NDC1: variants seen among roughly 807,000 people sequenced by gnomAD.
NDC1 encodes nucleoporin NDC1.
NDC1 carries 24 observed loss-of-function variants against 89.8 expected under a neutral mutation model. The observed-to-expected ratio is 0.27, with a 90% CI of 0.19 to 0.38. The LOEUF (loss-of-function observed/expected upper bound fraction) is 0.38, where lower values mean the gene tolerates loss of function less well. Ranked by LOEUF, NDC1 falls within the 10% of genes least tolerant of loss-of-function variation. NDC1 has a pLI of 1.00. For missense variants in NDC1, 728 were observed against 797.6 expected, an observed-to-expected ratio of 0.91 and a Z score of 1.05; for synonymous variants, 296 against 284.8, an observed-to-expected ratio of 1.04 and a Z score of -0.39.
chr1:53,817,406 T>C (rs1268568043), intron 6 of NDC1, among the ~76,000 whole-genome samples: 1 of 152,240 alleles, frequency 6.6e-6, no homozygotes, highest in Admixed American at 6.5e-5. Flanking sequence ...AAACATTGTA[T>C]GTTCTCACTG....
At position 53,803,985 on chromosome 1, in the gene NDC1, A is replaced by G; in HGVS notation, c.1009T>C (p.Leu337=). Residue 337 remains leucine, a synonymous_variant, in exon 10 of 18, where the codon TTG becomes CTG. Transcript: ENST00000371429. ...CGTGAAGGAGAATATTGAGAAAGCAACATCAGGTCCTGCAAGGCTAAATAC... is the reference window on the plus strand; with the variant it reads ...CGTGAAGGAGAATATTGAGAAAGCAGCATCAGGTCCTGCAAGGCTAAATAC... ...IKYLALQDLM[L]LSQYSPSRRQ... The G allele has an allele frequency of 6.2e-7, 1 of 1,614,078 alleles. No individual in the cohort carries two copies. Among genetic ancestry groups the G allele is most frequent in the Non-Finnish European group, 8.5e-7 (1 of 1,179,914 alleles).
intron 9 of NDC1, among the ~76,000 whole-genome samples, chr1:53,805,845 C>A (rs1463315994): frequency 6.6e-6 from 1 of 152,100 alleles, no homozygotes; most frequent in Non-Finnish European, 1.5e-5. Flanking sequence ...GAGGCCGAGG[C>A]GGGTGGATCA....
chr1:53,789,032 C>A, intron 15 of NDC1, 101 bp downstream of exon 15: 8 of 754,100 alleles, frequency 1.1e-5, no homozygotes, highest in Non-Finnish European at 1.8e-5. Flanking sequence ...TCTGTACATT[C>A]AAAGACTGAA....
Position 53,766,302 on chromosome 1 carries a change from T to C in NDC1, c.*1668A>G, listed in dbSNP as rs925292247. On this transcript the variant is annotated 3_prime_UTR_variant, in exon 18 of 18. Coordinates refer to ENST00000371429, the MANE Select transcript of NDC1 (RefSeq NM_018087.5). ...ATGGAAGCAGAAGATTCAGAGTCCT[T>C]GTCTCCCAAAATGCCTCAGCCAGGG... The C allele has an allele frequency of 3.9e-5, 6 of 152,160 alleles. No individual in the cohort carries two copies. The East Asian group carries it at 1.2e-3, about 29-fold the overall frequency. The allele number at this position is 152,160 out of a possible 1,614,324, so 9.4% of individuals were successfully genotyped here.
intron 3 of NDC1, among the ~76,000 whole-genome samples, chr1:53,832,013 T>C (rs1167598116): frequency 6.6e-6 from 1 of 152,212 alleles, no homozygotes; most frequent in Non-Finnish European, 1.5e-5. Flanking sequence ...AGTTATGAAC[T>C]ATTAAAAGGT....
Position 53,783,182 on chromosome 1 carries a change from T to C in NDC1, c.1800+3976A>G, listed in dbSNP as rs1211398679. Among the ~76,000 whole-genome samples, 4 of 151,596 alleles carry C rather than the reference T, an allele frequency of 2.6e-5. No homozygotes were observed. The South Asian group carries it at 8.3e-4, about 32-fold the overall frequency. On this transcript the variant is annotated intron_variant, in intron 16 of 17. Coordinates refer to ENST00000371429, the MANE Select transcript of NDC1 (RefSeq NM_018087.5). ...GTTGTGGGTTGAGAGGGTATACAAA[T>C]GGGTAGTGAAGAGGAGGAAGTCAAA...
chr1:53,822,390 T>C (rs1264671829), intron 5 of NDC1, among the ~76,000 whole-genome samples: 3 of 152,136 alleles, frequency 2.0e-5, no homozygotes, highest in South Asian at 2.1e-4. Context: ...CTGAATAATA[T>C]ATATAAGATA....
intron 14 of NDC1, among the ~76,000 whole-genome samples, chr1:53,789,734 G>A (rs1647421533): frequency 6.6e-6 from 1 of 151,754 alleles, no homozygotes; most frequent in African/African-American, 2.4e-5. Context: ...GGGAGGCAGA[G>A]GTTGCAGTGA....
intron 4 of NDC1, among the ~76,000 whole-genome samples, chr1:53,827,389 G>T (rs1648906209): frequency 6.6e-6 from 1 of 152,020 alleles, no homozygotes; most frequent in Non-Finnish European, 1.5e-5. Context: ...GGATCCTCCT[G>T]CCTCAGCCTG....
At chr1:53,772,736 AT>A (rs1401940012) in intron 16 of NDC1, among the ~76,000 whole-genome samples, 52 of 142,734 alleles carry the variant, frequency 3.6e-4, no homozygotes, top group African/African-American at 1.0e-3. Flanking sequence ...CAAAACAAAC[AT>A]AATATAACAT....
At chr1:53,777,867 C>T (rs1180911073) in intron 16 of NDC1, among the ~76,000 whole-genome samples, 3 of 152,106 alleles carry the variant, frequency 2.0e-5, no homozygotes, top group Non-Finnish European at 4.4e-5. Context: ...GCGTGTGCAC[C>T]TCCCCACCTA....
rs776758252 is a variant in NDC1, at chr1:53,793,282, G to A, written c.1585-3C>T. On this transcript the variant is annotated splice_region_variant and splice_polypyrimidine_tract_variant and intron_variant, in intron 13 of 17. Transcript: ENST00000371429. Reference sequence around the variant, plus strand: ...CGTTTTGACAAGAAATTCTTAATCTGAGTTGGAAAAAAGGAAGAATTAACA... The same window carrying A: ...CGTTTTGACAAGAAATTCTTAATCTAAGTTGGAAAAAAGGAAGAATTAACA... The A allele has an allele frequency of 1.9e-6, 3 of 1,605,236 alleles. No homozygotes were observed. The African/African-American group carries it at 4.0e-5, about 21-fold the overall frequency.
At chr1:53,819,328 G>C (rs1648581875) in intron 5 of NDC1, among the ~76,000 whole-genome samples, 1 of 152,116 alleles carries the variant, frequency 6.6e-6, no homozygotes, top group Non-Finnish European at 1.5e-5. Context: ...ATCCATACTT[G>C]GTACTAAGCA....
intron 13 of NDC1, among the ~76,000 whole-genome samples, chr1:53,793,552 T>C (rs891980937): frequency 4.6e-5 from 7 of 152,166 alleles, no homozygotes; most frequent in African/African-American, 1.7e-4. Flanking sequence ...AAAAATTAAT[T>C]AATTCTAAGT....
intron 1 of NDC1, among the ~76,000 whole-genome samples, chr1:53,836,693 C>T (rs1649245580): frequency 1.3e-5 from 2 of 152,068 alleles, no homozygotes; most frequent in South Asian, 4.2e-4. Flanking sequence ...GGGTCTCGAA[C>T]TCCTGACCCC....
At chr1:53,807,833 C>A (rs1455122240) in intron 7 of NDC1, 42 bp from the exon 8 acceptor site, 1 of 1,560,828 alleles carries the variant, frequency 6.4e-7, no homozygotes, top group Non-Finnish European at 8.6e-7. Flanking sequence ...AGGAAAAATG[C>A]AATCTAAATA....
intron 5 of NDC1, among the ~76,000 whole-genome samples, chr1:53,820,003 T>C (rs1474470381): frequency 1.3e-5 from 2 of 151,812 alleles, no homozygotes; most frequent in Non-Finnish European, 2.9e-5. Context: ...CCTGTAATCC[T>C]AGCACTTTGG....
intron 16 of NDC1, among the ~76,000 whole-genome samples, chr1:53,785,675 C>T (rs577633211): frequency 1.3e-5 from 2 of 152,152 alleles, no homozygotes; most frequent in Admixed American, 1.3e-4. Flanking sequence ...CGGGTTCAAG[C>T]GGTTCTCCCC....
At chr1:53,823,004 GC>G (rs1303315995) in intron 5 of NDC1, among the ~76,000 whole-genome samples, 5 of 152,094 alleles carry the variant, frequency 3.3e-5, no homozygotes, top group Non-Finnish European at 5.9e-5. Flanking sequence ...CACTTCTAGA[GC>G]TAATGAAAGA....
Sources: gnomAD v4.1 joint callset for allele counts (sites outside exome capture counted in the v4.1 genomes callset) on GRCh38, gnomAD v4.1.1 for gene constraint, MANE v1.5 for transcripts, NCBI Gene and HGNC (gene_info 2026-07-23, HGNC 2026-07-21) for gene names.